Variants in PHYHIPL observed in about 807,000 individuals in gnomAD.
The protein encoded by PHYHIPL is phytanoyl-CoA 2-hydroxylase interacting protein like.
A neutral mutation model predicts 33.4 loss-of-function variants in PHYHIPL; 9 were observed. The ratio of observed to expected loss-of-function variants is 0.27; its 90% CI spans 0.16 to 0.47. PHYHIPL has a LOEUF of 0.47. PHYHIPL is among the 20% of genes least tolerant of loss of function. The probability of loss-of-function intolerance (pLI) is 0.99; values close to 1 mark genes in which losing one functional copy is unlikely to be tolerated. For synonymous variants in PHYHIPL, 153 were observed against 154.1 expected, an observed-to-expected ratio of 0.99 and a Z score of 0.05; for missense variants, 365 against 460.7, an observed-to-expected ratio of 0.79 and a Z score of 1.90.
At chr10:59,187,909 A>G (rs1589259988) in intron 1 of PHYHIPL, among the ~76,000 whole-genome samples, 1 of 152,152 alleles carries the variant, frequency 6.6e-6, no homozygotes, top group Non-Finnish European at 1.5e-5. Context: ...ATCTTTTCAA[A>G]AAACCACCTC....
At chr10:59,186,759 CTGTT>C (rs1424645931) in intron 1 of PHYHIPL, among the ~76,000 whole-genome samples, 2 of 152,228 alleles carry the variant, frequency 1.3e-5, no homozygotes, top group East Asian at 3.9e-4. Flanking sequence ...ATTTGGCTCT[CTGTT>C]TGTCTGTTAT....
At position 59,230,057 on chromosome 10, in the gene PHYHIPL, T is replaced by C. The variant is rs16913308; in HGVS notation, c.107-4247T>C. 2.7e-3 allele frequency among the ~76,000 whole-genome samples: 411 copies of C among 152,294 alleles called. 6 individuals are homozygous for C. In the East Asian group the frequency reaches 0.031, roughly 11 times the overall value. On this transcript the variant is annotated intron_variant, in intron 1 of 4. Transcript: ENST00000373880. ...TTTTTTATGCATAGATTGAGGTATG[T>C]GACTTTGAAGGTAGGTGTAAAATGG...
At chr10:59,176,400 C>T (rs185472914), upstream of PHYHIPL, among the ~76,000 whole-genome samples, 1 of 152,070 alleles carries the variant, frequency 6.6e-6, no homozygotes, top group Non-Finnish European at 1.5e-5. Context: ...GCTCGCCCTT[C>T]CCGCGCGCTC....
intron 1 of PHYHIPL, among the ~76,000 whole-genome samples, chr10:59,203,168 G>A (rs1000447040): frequency 6.6e-6 from 1 of 152,092 alleles, no homozygotes; most frequent in South Asian, 2.1e-4. Flanking sequence ...ATGAAAAAAT[G>A]CTCATCATCA....
intron 1 of PHYHIPL, among the ~76,000 whole-genome samples, chr10:59,213,757 T>TAAACAAA (rs1839531902): frequency 1.3e-5 from 2 of 152,146 alleles, no homozygotes; most frequent in South Asian, 2.1e-4. Context: ...AGCTTGATTT[T>TAAACAAA]AAACAAAAAA....
chr10:59,218,921 TTTTTA>T (rs1398922484), intron 1 of PHYHIPL, among the ~76,000 whole-genome samples: 4 of 151,986 alleles, frequency 2.6e-5, no homozygotes, highest in Non-Finnish European at 5.9e-5. Context: ...TTCTTTTTTA[TTTTTA>T]TTTTATTTTA....
chr10:59,173,812 A>C (rs1335203398), upstream of PHYHIPL, among the ~76,000 whole-genome samples: 4 of 151,694 alleles, frequency 2.6e-5, no homozygotes, highest in Admixed American at 6.6e-5. Context: ...TGGTTTCTAT[A>C]ACCCACGTTG....
At chr10:59,235,341 C>A (rs1467646305) in intron 2 of PHYHIPL, among the ~76,000 whole-genome samples, 1 of 151,754 alleles carries the variant, frequency 6.6e-6, no homozygotes, top group African/African-American at 2.4e-5. Context: ...CCAGAAGTAT[C>A]TATAGAGAAA....
At chr10:59,236,913 G>A (rs1047323932) in intron 3 of PHYHIPL, among the ~76,000 whole-genome samples, 1 of 151,448 alleles carries the variant, frequency 6.6e-6, no homozygotes, top group East Asian at 1.9e-4. Context: ...CAAGATGAAA[G>A]CTATGCAAAT....
chr10:59,217,608 A>G (rs1303240957), intron 1 of PHYHIPL, among the ~76,000 whole-genome samples: 1 of 151,798 alleles, frequency 6.6e-6, no homozygotes, highest in Non-Finnish European at 1.5e-5. Context: ...ATATTTTTGC[A>G]TAAATTTATT....
intron 1 of PHYHIPL, among the ~76,000 whole-genome samples, chr10:59,193,380 TA>T (rs756155431): frequency 2.0e-5 from 3 of 152,134 alleles, no homozygotes; most frequent in African/African-American, 2.4e-5. Flanking sequence ...TTAAGCAACA[TA>T]ATCTGTGTTG....
At chr10:59,185,638 C>T (rs1838572864) in intron 1 of PHYHIPL, among the ~76,000 whole-genome samples, 1 of 152,178 alleles carries the variant, frequency 6.6e-6, no homozygotes, top group Non-Finnish European at 1.5e-5. Context: ...TGTTTCCTGA[C>T]CTTTTAATGA....
In PHYHIPL at chr10:59,247,363, T is replaced by C. The variant is rs1355970827; in HGVS notation, c.*1772T>C. 1 of 461,058 alleles carries C rather than the reference T, an allele frequency of 2.2e-6. No individual in the cohort carries two copies. Among genetic ancestry groups the C allele is most frequent in the Non-Finnish European group, 3.8e-6 (1 of 261,860 alleles). 28.6% of individuals were successfully genotyped at this position (461,058 alleles called of 1,614,324 possible). A position where few individuals can be genotyped will look rare whatever the true frequency, so the allele number is the denominator to read the frequency against. On this transcript the variant is annotated 3_prime_UTR_variant, in exon 5 of 5. Coordinates refer to ENST00000373880, the MANE Select transcript of PHYHIPL (RefSeq NM_032439.4). ...TTTTTAAAAATACTTGTATTGACTA[T>C]GAGTTTTCTGCTTGGCATGGAGGAC... is the stretch of plus-strand genomic sequence containing the variant.
At chr10:59,236,409 C>T in intron 2 of PHYHIPL, 74 bp from the exon 3 acceptor site, 1 of 911,702 alleles carries the variant, frequency 1.1e-6, no homozygotes. Flanking sequence ...TCTCCCTTTT[C>T]TTCTTTCTTC....
chr10:59,177,499 C>T, intron 1 of PHYHIPL: 1 of 1,550,478 alleles, frequency 6.4e-7, no homozygotes, highest in South Asian at 1.2e-5. Flanking sequence ...AGTGAGGGCG[C>T]AGAAAAACAG....
chr10:59,216,023 A>T (rs1156688439), intron 1 of PHYHIPL, among the ~76,000 whole-genome samples: 3 of 152,056 alleles, frequency 2.0e-5, no homozygotes, highest in Non-Finnish European at 4.4e-5. Context: ...GATATTTTAA[A>T]TTTGAAATAT....
rs773322890 is a variant in PHYHIPL at position 59,241,530 on chromosome 10, T to C, written c.596+2825T>C. The stretch of plus-strand genomic sequence containing the variant: ...GAAGGGTTTCAGGAATTCACTGAGA[T>C]TGGTAGACATGTGTAGGAATTCCTC... On this transcript the variant is annotated intron_variant, in intron 4 of 4. Coordinates refer to ENST00000373880, the MANE Select transcript of PHYHIPL (RefSeq NM_032439.4). Among the ~76,000 whole-genome samples the C allele has an allele frequency of 8.7e-4, 132 of 152,286 alleles. 3 individuals carry two copies. Among genetic ancestry groups the C allele is most frequent in the Non-Finnish European group, 1.3e-3 (91 of 68,006 alleles).
intron 1 of PHYHIPL, among the ~76,000 whole-genome samples, chr10:59,196,992 T>G (rs1021699893): frequency 1.3e-5 from 2 of 152,310 alleles, no homozygotes; most frequent in Non-Finnish European, 2.9e-5. Context: ...TTCAAGATAA[T>G]TTTTAGTTAT....
intron 1 of PHYHIPL, among the ~76,000 whole-genome samples, chr10:59,227,975 G>GATATATAT (rs1554799094): frequency 4.9e-4 from 72 of 145,566 alleles, no homozygotes; most frequent in African/African-American, 1.9e-3. Context: ...TGCCTATTGA[G>GATATATAT]ATATATATAT....
Sources: gnomAD v4.1 joint callset for allele counts (sites outside exome capture counted in the v4.1 genomes callset) on GRCh38, gnomAD v4.1.1 for gene constraint, MANE v1.5 for transcripts, NCBI Gene and HGNC (gene_info 2026-07-23, HGNC 2026-07-21) for gene names.